The following LAMB4 variants were observed in gnomAD, a reference collection of about 807,000 sequenced individuals.
LAMB4 encodes the protein laminin subunit beta 4.
LAMB4 carries 196 observed loss-of-function variants against 199.2 expected under a neutral mutation model. That is an observed-to-expected ratio of 0.98 (90% confidence interval 0.88 to 1.11). The LOEUF is 1.11. Ranked by LOEUF, LAMB4 falls within the 50% of genes least tolerant of loss-of-function variation. The probability of loss-of-function intolerance (pLI) is 0.00; values close to 1 mark genes in which losing one functional copy is unlikely to be tolerated. For missense variants in LAMB4, 2,080 were observed against 2,171.2 expected (o/e 0.96, Z 0.83); for synonymous variants, 744 against 770.6 (o/e 0.97, Z 0.57).
At position 108,052,244 on chromosome 7, in the gene LAMB4, G is replaced by T; in HGVS notation, c.3769C>A (p.Gln1257Lys). 1 of 1,599,474 alleles carries T rather than the reference G, an allele frequency of 6.3e-7. No homozygotes were observed. Among genetic ancestry groups the T allele is most frequent in the Non-Finnish European group, 8.5e-7 (1 of 1,172,086 alleles). ...ACTGCTTTCAGTTGTTCATTTAGCT[G>T]CATGATTTGTCTTCTATAGAGGAAA... ...YHDSVRRQIM[Q>K]LNEQLKAVYE... The change falls in exon 26 of 34, where the codon CAG (glutamine) becomes AAG (lysine). Residue 1257 changes from glutamine to lysine, a missense_variant. Gln to Lys is a moderately conservative substitution (Grantham distance 53, BLOSUM62 1). Transcript: ENST00000388781.
chr7:108,096,158 C>G (rs192640175), intron 11 of LAMB4, among the ~76,000 whole-genome samples: 75 of 152,296 alleles, frequency 4.9e-4, no homozygotes, highest in African/African-American at 1.8e-3. Flanking sequence ...TATAATAACT[C>G]CCCACTCCTT....
chr7:108,098,205 C>T (rs975504963), intron 11 of LAMB4, among the ~76,000 whole-genome samples, 198 bp downstream of exon 11: 9 of 152,102 alleles, frequency 5.9e-5, no homozygotes, highest in Non-Finnish European at 1.2e-4. Context: ...TGGTGGTGGT[C>T]GCCTGTAATC....
At position 108,116,178 on chromosome 7, in the gene LAMB4, A is replaced by G. The variant is rs544463088; in HGVS notation, c.35-17T>C. 4.3e-5 allele frequency: 69 copies of G among 1,609,190 alleles called. No homozygotes were observed. Among genetic ancestry groups the G allele is most frequent in the African/African-American group, 8.0e-5 (6 of 74,942 alleles). ...TGAGCCACCCTTGAACACAACAGAA[A>G]TAGCTTACACGGAAGGCAGTCTAAG... On this transcript the variant is annotated splice_polypyrimidine_tract_variant and intron_variant, in intron 2 of 33. Coordinates refer to ENST00000388781, the MANE Select transcript of LAMB4 (RefSeq NM_007356.3).
At chr7:108,073,769 G>T (rs2036608163) in intron 17 of LAMB4, among the ~76,000 whole-genome samples, 2 of 152,248 alleles carry the variant, frequency 1.3e-5, no homozygotes, top group South Asian at 4.1e-4. Context: ...TCTCCTCCTG[G>T]ACATTTTGGG....
chr7:108,118,652 A>G (rs2038493305), intron 2 of LAMB4, among the ~76,000 whole-genome samples: 1 of 152,106 alleles, frequency 6.6e-6, no homozygotes, highest in African/African-American at 2.4e-5. Flanking sequence ...TTCAGCATAG[A>G]CTTAAATGTA....
chr7:108,012,936 A>C, the LAMB4 span, among the ~76,000 whole-genome samples: 18 of 152,150 alleles, frequency 1.2e-4, no homozygotes, highest in African/African-American at 4.1e-4. Context: ...ATGGCACTTC[A>C]CATGTGGAGC....
chr7:108,077,588 G>A (rs954035728), intron 16 of LAMB4, among the ~76,000 whole-genome samples: 30 of 152,124 alleles, frequency 2.0e-4, no homozygotes, highest in African/African-American at 6.5e-4. Flanking sequence ...CAGCTACTCA[G>A]GAGGCTGAGG....
intron 12 of LAMB4, among the ~76,000 whole-genome samples, chr7:108,093,632 C>A (rs2037492239): frequency 6.6e-6 from 1 of 152,110 alleles, no homozygotes; most frequent in African/African-American, 2.4e-5. Context: ...AAATAAACAG[C>A]TGGTGAGATA....
chr7:108,044,955 C>CAAAAAAAAA (rs756256335), intron 28 of LAMB4, among the ~76,000 whole-genome samples: 10 of 56,530 alleles, frequency 1.8e-4, no homozygotes, highest in African/African-American at 5.4e-4. Context: ...ATTCTTGTCT[C>CAAAAAAAAA]AAAAAAAAAA....
At chr7:108,119,792 C>T (rs920315032) in intron 2 of LAMB4, among the ~76,000 whole-genome samples, 1 of 152,010 alleles carries the variant, frequency 6.6e-6, no homozygotes, top group Non-Finnish European at 1.5e-5. Context: ...CTGAATAAGG[C>T]CTGTGAATGA....
chr7:108,024,863 G>T (rs2034779899), intron 33 of LAMB4, among the ~76,000 whole-genome samples: 1 of 152,174 alleles, frequency 6.6e-6, no homozygotes, highest in Non-Finnish European at 1.5e-5. Flanking sequence ...GATACAAGAG[G>T]CATAGAGAGC....
Position 108,123,120 on chromosome 7 carries a change from C to T in LAMB4, c.34+11G>A, listed in dbSNP as rs1315138742. On this transcript the variant is annotated intron_variant, in intron 2 of 33. Transcript: ENST00000388781. ...GCAAGCAGTAAATAGATTTTGACAA[C>T]AAATACTCACCAAGGTGCAAAAAAA... 1.2e-6 allele frequency: 2 copies of T among 1,604,618 alleles called. No individual in the cohort carries two copies. Among genetic ancestry groups the T allele is most frequent in the South Asian group, 1.1e-5 (1 of 89,156 alleles).
At chr7:108,117,949 C>A (rs1214163124) in intron 2 of LAMB4, among the ~76,000 whole-genome samples, 1 of 152,116 alleles carries the variant, frequency 6.6e-6, no homozygotes, top group Admixed American at 6.6e-5. Context: ...CCTGTTTTAC[C>A]AGCAAGGTCT....
chr7:108,063,206 C>T (rs556352448), intron 22 of LAMB4, among the ~76,000 whole-genome samples: 2 of 152,256 alleles, frequency 1.3e-5, no homozygotes, highest in South Asian at 2.1e-4. Context: ...TTCATGTGGT[C>T]GAACTTGCTC....
Position 108,107,686 on chromosome 7 carries a change from C to T in LAMB4, c.536G>A (p.Gly179Glu), listed in dbSNP as rs773053720. 8 of 1,612,990 alleles carry T rather than the reference C, an allele frequency of 5.0e-6. No homozygotes were observed. Among genetic ancestry groups the T allele is most frequent in the Non-Finnish European group, 6.8e-6 (8 of 1,179,746 alleles). The stretch of plus-strand genomic sequence containing the variant: ...GTATTTGGAGTCACAAACAATGTCT[C>T]CCACTCCCTGGGCCTGGCCAGATGT... ...NITSGQAQGV[G>E]DIVCDSKYSD... The change falls in exon 6 of 34, where the codon GGA (glycine) becomes GAA (glutamate). Residue 179 changes from glycine (G) to glutamate (E), a missense_variant. Coordinates refer to ENST00000388781, the MANE Select transcript of LAMB4 (RefSeq NM_007356.3).
rs6974722 is a variant in LAMB4, at chr7:108,098,391, T to C, written c.1360+12A>G. 0.38 allele frequency: 593,228 copies of C among 1,575,508 alleles called. 115,881 individuals are homozygous for C. The highest frequency in any genetic ancestry group is 0.4 in the Non-Finnish European group (463,724 of 1,155,550). ...TGATGGACACTCCCCCGACCCCCGATTATGGACTTACGCTGGCAGCCCAGG... is the reference window on the plus strand; with the variant it reads ...TGATGGACACTCCCCCGACCCCCGACTATGGACTTACGCTGGCAGCCCAGG... On this transcript the variant is annotated intron_variant, in intron 11 of 33. Coordinates refer to ENST00000388781, the MANE Select transcript of LAMB4 (RefSeq NM_007356.3).
At chr7:108,109,519 T>G (rs1211815888) in intron 4 of LAMB4, among the ~76,000 whole-genome samples, 1 of 151,734 alleles carries the variant, frequency 6.6e-6, no homozygotes, top group Non-Finnish European at 1.5e-5. Flanking sequence ...ACCAAGGGAG[T>G]TTCAGGACAT....
chr7:108,027,666 C>T (rs1328084202), intron 33 of LAMB4, among the ~76,000 whole-genome samples: 1 of 152,102 alleles, frequency 6.6e-6, no homozygotes, highest in Non-Finnish European at 1.5e-5. Context: ...TATAAAATTA[C>T]CATCTGATAT....
In LAMB4 at chr7:108,106,540, T is replaced by A; in HGVS notation, c.624A>T (p.Glu208Asp). 6.3e-7 allele frequency: 1 copy of A among 1,582,976 alleles called. No homozygotes were observed. Among genetic ancestry groups the A allele is most frequent in the Admixed American group, 1.7e-5 (1 of 59,660 alleles). Residue 208 changes from glutamate (E) to aspartate (D), a missense_variant, in exon 7 of 34, where the codon GAA becomes GAT. By Grantham distance (45) the Glu-to-Asp change is conservative (BLOSUM62 2). Transcript: ENST00000388781. ...TGTAGGGGCTATAAGGGTTTTCAAT[T>A]TCAAAACTGGGATCCAAAACTTTTA... is the stretch of plus-strand genomic sequence containing the variant. ...VVLKVLDPSF[E>D]IENPYSPYIQ... is the part of the protein sequence containing the mutation.
Sources: gnomAD v4.1 joint callset for allele counts (sites outside exome capture counted in the v4.1 genomes callset) on GRCh38, gnomAD v4.1.1 for gene constraint, MANE v1.5 for transcripts, NCBI Gene and HGNC (gene_info 2026-07-23, HGNC 2026-07-21) for gene names.